Variants in UBE2E1 observed in about 807,000 individuals in gnomAD.
The protein encoded by UBE2E1 is ubiquitin conjugating enzyme E2 E1.
A neutral mutation model predicts 21.4 loss-of-function variants in UBE2E1; 6 were observed. That is an observed-to-expected ratio of 0.28 (90% confidence interval 0.15 to 0.55). The LOEUF is 0.55. Among genes scored for constraint, UBE2E1 ranks in the 20% least tolerant of loss-of-function variants. The pLI is 0.93. For synonymous variants in UBE2E1, 87 were observed against 82.7 expected, an observed-to-expected ratio of 1.05 and a Z score of -0.28; for missense variants, 142 against 236.5, an observed-to-expected ratio of 0.60 and a Z score of 2.62.
chr3:23,811,768 A>C (rs1452270814), intron 3 of UBE2E1, among the ~76,000 whole-genome samples: 2 of 152,226 alleles, frequency 1.3e-5, no homozygotes, highest in East Asian at 3.8e-4. Context: ...AAGTAAATTT[A>C]AAGGTGTCTC....
At chr3:23,860,424 C>T (rs1224750398) in intron 3 of UBE2E1, among the ~76,000 whole-genome samples, 2 of 152,194 alleles carry the variant, frequency 1.3e-5, no homozygotes, top group African/African-American at 2.4e-5. Flanking sequence ...TAACAAAACA[C>T]TAAAATGGCC....
chr3:23,872,246 G>A (rs1023000804), intron 3 of UBE2E1, among the ~76,000 whole-genome samples: 5 of 152,080 alleles, frequency 3.3e-5, no homozygotes, highest in South Asian at 2.1e-4. Context: ...GGCGGCGCGC[G>A]CCTGCAATCA....
Position 23,890,794 on chromosome 3 carries a change from T to C in UBE2E1, c.*188T>C, listed in dbSNP as rs1701398348. The stretch of plus-strand genomic sequence containing the variant: ...TTGCTACAGTAGACAGAATTGGTAA[T>C]AGCAACTTTTAAAATTGTCATTAGT... On this transcript the variant is annotated 3_prime_UTR_variant, in exon 6 of 6. Coordinates refer to ENST00000306627, the MANE Select transcript of UBE2E1 (RefSeq NM_003341.5). The C allele has an allele frequency of 6.5e-6, 3 of 461,704 alleles. No homozygotes were observed. The highest frequency in any genetic ancestry group is 1.1e-4 in the South Asian group (2 of 18,760). The allele number at this position is 461,704 out of a possible 1,614,324, so 28.6% of individuals were successfully genotyped here. A position where few individuals can be genotyped will look rare whatever the true frequency, so the allele number is the denominator to read the frequency against.
At chr3:23,873,227 T>C (rs1268207077) in intron 3 of UBE2E1, among the ~76,000 whole-genome samples, 1 of 152,178 alleles carries the variant, frequency 6.6e-6, no homozygotes, top group Non-Finnish European at 1.5e-5. Context: ...TTTAGATTTA[T>C]GAAAATAGTT....
intron 3 of UBE2E1, among the ~76,000 whole-genome samples, chr3:23,872,074 C>T (rs1007450007): frequency 3.2e-4 from 48 of 152,144 alleles, no homozygotes; most frequent in Non-Finnish European, 6.5e-4. Context: ...GCGCTCCAGC[C>T]TGGGCACCAT....
At chr3:23,835,407 A>G (rs763141206) in intron 3 of UBE2E1, among the ~76,000 whole-genome samples, 5 of 152,142 alleles carry the variant, frequency 3.3e-5, no homozygotes, top group African/African-American at 4.8e-5. Context: ...GGTCGAGGCT[A>G]AGTGAGCTAG....
chr3:23,889,394 A>G (rs1179458901), intron 5 of UBE2E1, 135 bp downstream of exon 5: 3 of 1,509,870 alleles, frequency 2.0e-6, no homozygotes, highest in South Asian at 1.3e-5. Flanking sequence ...TTTTCAAAAG[A>G]AAGTTTTAAT....
At chr3:23,888,701 TA>T (rs1437807134) in intron 4 of UBE2E1, among the ~76,000 whole-genome samples, 1 of 151,074 alleles carries the variant, frequency 6.6e-6, no homozygotes, top group Non-Finnish European at 1.5e-5. Context: ...GTATGTTGTT[TA>T]ATTATCTTTA....
At chr3:23,890,387 T>G in intron 5 of UBE2E1, 122 bp from the exon 6 acceptor site, 1 of 808,964 alleles carries the variant, frequency 1.2e-6, no homozygotes, top group South Asian at 2.1e-5. Context: ...TGGAGTGGTG[T>G]TTCGAAGATG....
intron 3 of UBE2E1, among the ~76,000 whole-genome samples, chr3:23,871,180 A>G (rs1700776972): frequency 2.0e-5 from 3 of 151,768 alleles, no homozygotes; most frequent in Admixed American, 6.5e-5. Context: ...CCCGTTCTCA[A>G]TGAGCTGTTG....
chr3:23,882,645 C>G (rs529488201), intron 3 of UBE2E1, among the ~76,000 whole-genome samples: 2 of 151,842 alleles, frequency 1.3e-5, no homozygotes, highest in Admixed American at 1.3e-4. Flanking sequence ...AGGGGAGGCT[C>G]GGGCCTGGCA....
At chr3:23,848,063 C>G (rs1575013269) in intron 3 of UBE2E1, among the ~76,000 whole-genome samples, 2 of 152,128 alleles carry the variant, frequency 1.3e-5, no homozygotes, top group African/African-American at 4.8e-5. Flanking sequence ...CTTCAGATAT[C>G]TTGGACTTTC....
Position 23,847,758 on chromosome 3 carries a change from G to A in UBE2E1, c.203+36248G>A, listed in dbSNP as rs903972588. Among the ~76,000 whole-genome samples the A allele has an allele frequency of 6.3e-4, 96 of 152,060 alleles. 1 individual carries two copies. The highest frequency in any genetic ancestry group is 6.0e-3 in the Admixed American group (92 of 15,266). The stretch of plus-strand genomic sequence containing the variant: ...GATCCACCCACCTCGGCCTCCCAAA[G>A]TGCTGGGATTACAGGCATGAGCCAC... On this transcript the variant is annotated intron_variant, in intron 3 of 5. Transcript: ENST00000306627.
In UBE2E1 at chr3:23,807,397, A is replaced by G. The variant is rs1410970609; in HGVS notation, c.128A>G (p.Lys43Arg). The change falls in exon 2 of 6, where the codon AAA becomes AGA. Residue 43 changes from lysine to arginine, a missense_variant. Lys to Arg is a conservative substitution (Grantham distance 26). Around this residue, in one of 2 missense-constraint regions of UBE2E1, gnomAD observed 55 missense variants for 51.5 expected, o/e 1.07. Transcript: ENST00000306627. ...AAAGTCAGCATGAGCAAAAACTCCA[A>G]ACTCCTCTCCACCAGCGCCAAGAGG... ...ESKVSMSKNS[K>R]LLSTSAKRIQ... 2 of 1,613,276 alleles carry G rather than the reference A, an allele frequency of 1.2e-6. No homozygotes were observed. The highest frequency in any genetic ancestry group is 1.7e-6 in the Non-Finnish European group (2 of 1,179,738).
chr3:23,869,072 T>C (rs1300528108), intron 3 of UBE2E1, among the ~76,000 whole-genome samples: 1 of 152,210 alleles, frequency 6.6e-6, no homozygotes, highest in African/African-American at 2.4e-5. Context: ...TGTCCAGTTA[T>C]TTCCTTAGGG....
chr3:23,875,803 C>T (rs946727235), intron 3 of UBE2E1, among the ~76,000 whole-genome samples: 1 of 152,208 alleles, frequency 6.6e-6, no homozygotes, highest in Non-Finnish European at 1.5e-5. Context: ...GACGGAGTCT[C>T]GCTCTGTCGC....
chr3:23,862,716 G>A (rs1018908079), intron 3 of UBE2E1, among the ~76,000 whole-genome samples: 32 of 151,890 alleles, frequency 2.1e-4, no homozygotes, highest in African/African-American at 7.0e-4. Context: ...TTTCCTTTCC[G>A]TCTTATCTTT....
rs1239750943 is a variant in UBE2E1, at chr3:23,808,824, C to T, written c.152+1403C>T. The T allele has an allele frequency of 6.6e-6, 1 of 152,238 alleles. No homozygotes were observed. The highest frequency in any genetic ancestry group is 1.5e-5 in the Non-Finnish European group (1 of 68,058). 9.4% of individuals were successfully genotyped at this position (152,238 alleles called of 1,614,324 possible). A position where few individuals can be genotyped will look rare whatever the true frequency, so the allele number is the denominator to read the frequency against. ...GCCCTTCCTTAATACTGCGCCCCAC[C>T]TCAATCCTCTAGGCTCTCTGATCCT... On this transcript the variant is annotated intron_variant, in intron 2 of 5. Coordinates refer to ENST00000306627, the MANE Select transcript of UBE2E1 (RefSeq NM_003341.5). This position sits in a 1 kb window ranked among gnomAD's most constrained non-coding sequence, Gnocchi z 4.9.
intron 3 of UBE2E1, among the ~76,000 whole-genome samples, chr3:23,838,606 C>T (rs528057763): frequency 1.3e-5 from 2 of 152,114 alleles, no homozygotes; most frequent in East Asian, 1.9e-4. Flanking sequence ...GGAGATTTCT[C>T]CTGCCTCAGC....
Sources: gnomAD v4.1 joint callset for allele counts (sites outside exome capture counted in the v4.1 genomes callset) on GRCh38, gnomAD v4.1.1 for gene constraint, gnomAD v4.1.1 regional missense constraint, Gnocchi (gnomAD v3.1) non-coding constraint, MANE v1.5 for transcripts, NCBI Gene and HGNC (gene_info 2026-07-23, HGNC 2026-07-21) for gene names.